The following NRXN1 variants were observed in gnomAD, a reference collection of about 807,000 sequenced individuals.
The protein encoded by NRXN1 is neurexin 1.
In NRXN1, 39 loss-of-function variants were observed where a neutral mutation model predicts 150.9. That is an observed-to-expected ratio of 0.26 (90% CI 0.20 to 0.34). The LOEUF is 0.34. Ranked by LOEUF, NRXN1 falls within the 10% of genes least tolerant of loss-of-function variation. The probability of loss-of-function intolerance (pLI) is 1.00; values close to 1 mark genes in which losing one functional copy is unlikely to be tolerated. For missense variants in NRXN1, 1,815 were observed against 1,949.9 expected, an observed-to-expected ratio of 0.93 and a Z score of 1.30; for synonymous variants, 924 against 757.0, an observed-to-expected ratio of 1.22 and a Z score of -3.62.
intron 18 of NRXN1, among the ~76,000 whole-genome samples, chr2:50,142,516 A>G (rs1192111056): frequency 2.0e-5 from 3 of 151,964 alleles, no homozygotes; most frequent in African/African-American, 7.2e-5. Context: ...TGAATATCAT[A>G]AATCCCCCTG....
intron 18 of NRXN1, among the ~76,000 whole-genome samples, chr2:50,226,364 G>C (rs2152864662): frequency 6.6e-6 from 1 of 152,062 alleles, no homozygotes; most frequent in Middle Eastern, 3.4e-3. Context: ...TGTGGCTAAT[G>C]TGCCAGTAGA....
rs189092685 is a variant in NRXN1 at position 50,165,584 on chromosome 2, G to A, written c.3546+71205C>T. Reference sequence around the variant, plus strand: ...GGCTGGTCTCCAACTCCTGACCTCAGGTGATACACCCACCTCAGCCTCCCG... The same window carrying A: ...GGCTGGTCTCCAACTCCTGACCTCAAGTGATACACCCACCTCAGCCTCCCG... On this transcript the variant is annotated intron_variant, in intron 18 of 22. Coordinates refer to ENST00000401669, the MANE Select transcript of NRXN1 (RefSeq NM_001330078.2). 9.2e-5 allele frequency among the ~76,000 whole-genome samples: 14 copies of A among 152,160 alleles called. No homozygotes were observed. The East Asian group carries it at 2.3e-3, about 25-fold the overall frequency.
At chr2:50,467,658 A>C (rs1026678421) in intron 16 of NRXN1, among the ~76,000 whole-genome samples, 45 of 151,558 alleles carry the variant, frequency 3.0e-4, no homozygotes, top group African/African-American at 1.0e-3. Context: ...ATTCTGTAAT[A>C]ATAATAATAA....
intron 18 of NRXN1, among the ~76,000 whole-genome samples, chr2:50,212,717 T>A (rs988788346): frequency 2.0e-5 from 3 of 151,822 alleles, no homozygotes; most frequent in African/African-American, 7.2e-5. Context: ...CAGGTCAGCT[T>A]GAAAGAAAAA....
chr2:50,861,636 G>A (rs1395162703), intron 5 of NRXN1, among the ~76,000 whole-genome samples: 3 of 151,938 alleles, frequency 2.0e-5, no homozygotes, highest in Admixed American at 1.3e-4. Context: ...AAACTCTTTT[G>A]GATCTATAAT....
intron 18 of NRXN1, among the ~76,000 whole-genome samples, chr2:50,195,855 CT>C (rs2061724777): frequency 6.6e-6 from 1 of 151,918 alleles, no homozygotes; most frequent in African/African-American, 2.4e-5. Context: ...GTTTCTTATT[CT>C]GATTGTAGAG....
rs188383113 is a variant in NRXN1 at position 50,463,356 on chromosome 2, T to C, written c.3364+2086A>G. Among the ~76,000 whole-genome samples the C allele has an allele frequency of 3.1e-3, 470 of 151,998 alleles. 1 individual carries two copies. The highest frequency in any genetic ancestry group is 0.011 in the African/African-American group (452 of 41,542). On this transcript the variant is annotated intron_variant, in intron 17 of 22. Transcript: ENST00000401669. ...GCTTTTGAATATTGATTTGTACCTATGTATTCTCACCACTGAAACTCCAAC... is the reference window on the plus strand; with the variant it reads ...GCTTTTGAATATTGATTTGTACCTACGTATTCTCACCACTGAAACTCCAAC...
At chr2:50,664,396 C>CGT (rs35702112) in intron 5 of NRXN1, among the ~76,000 whole-genome samples, 26,800 of 107,884 alleles carry the variant, frequency 0.25, 3,267 homozygotes, top group East Asian at 0.38. Flanking sequence ...AAGTTTAAAG[C>CGT]GTGTGTGTGT....
chr2:50,334,192 A>ATTTTATATATATAT lies in NRXN1; in HGVS notation c.3365-97223_3365-97222insATATATATATAAAA, dbSNP rs1553457970. ...CTGCCTTTCCTTAAGACCAGGACCA[A>ATTTTATATATATAT]ATATATATATATATATATATGTATG... On this transcript the variant is annotated intron_variant, in intron 17 of 22. Transcript: ENST00000401669. 5.5e-4 allele frequency among the ~76,000 whole-genome samples: 65 copies of ATTTTATATATATAT among 118,958 alleles called. 5 individuals carry two copies. The highest frequency in any genetic ancestry group is 1.5e-3 in the African/African-American group (34 of 23,174). 78.0% of individuals were successfully genotyped at this position (118,958 alleles called of 152,430 possible).
chr2:50,688,847 G>T (rs1029014833), intron 5 of NRXN1, among the ~76,000 whole-genome samples: 1 of 152,102 alleles, frequency 6.6e-6, no homozygotes, highest in Non-Finnish European at 1.5e-5. Flanking sequence ...AAGTGCCATG[G>T]GCTTGCGGCT....
At chr2:50,562,569 G>A (rs1354180564) in intron 8 of NRXN1, among the ~76,000 whole-genome samples, 2 of 152,160 alleles carry the variant, frequency 1.3e-5, no homozygotes, top group Middle Eastern at 3.4e-3. Flanking sequence ...ATATTTATGT[G>A]TGTGTGTATG....
chr2:49,982,193 C>G (rs547190469), intron 21 of NRXN1, among the ~76,000 whole-genome samples: 1 of 151,988 alleles, frequency 6.6e-6, no homozygotes, highest in Non-Finnish European at 1.5e-5. Flanking sequence ...ATTGATAAAT[C>G]TAGAAAAAGA....
chr2:49,952,638 A>T (rs896709142), intron 21 of NRXN1, among the ~76,000 whole-genome samples: 1 of 152,102 alleles, frequency 6.6e-6, no homozygotes, highest in Non-Finnish European at 1.5e-5. Flanking sequence ...AATGCAAATT[A>T]TTGAATCTCT....
At chr2:50,769,024 G>C (rs1208182760) in intron 5 of NRXN1, among the ~76,000 whole-genome samples, 2 of 152,018 alleles carry the variant, frequency 1.3e-5, no homozygotes, top group South Asian at 2.1e-4. Flanking sequence ...GGGAAATAAA[G>C]AAAGTAGCAA....
intron 15 of NRXN1, among the ~76,000 whole-genome samples, chr2:50,491,751 C>G (rs1484541634): frequency 6.6e-6 from 1 of 152,116 alleles, no homozygotes; most frequent in African/African-American, 2.4e-5. Context: ...GCACTCTATG[C>G]TACACAGCTA....
chr2:50,730,272 A>C (rs1697926960), intron 5 of NRXN1, among the ~76,000 whole-genome samples: 1 of 152,092 alleles, frequency 6.6e-6, no homozygotes, highest in Non-Finnish European at 1.5e-5. Context: ...TATTTTTTTA[A>C]ATTTCCTATT....
intron 21 of NRXN1, among the ~76,000 whole-genome samples, chr2:49,946,539 C>T (rs551252058): frequency 6.6e-6 from 1 of 151,992 alleles, no homozygotes; most frequent in East Asian, 1.9e-4. Flanking sequence ...GTCTTTAATC[C>T]ATCTTGAGTT....
chr2:50,192,616 G>A (rs893147818), intron 18 of NRXN1, among the ~76,000 whole-genome samples: 1 of 151,524 alleles, frequency 6.6e-6, no homozygotes, highest in East Asian at 1.9e-4. Flanking sequence ...TTTTTGGGGG[G>A]GGCGGTGGGG....
At chr2:50,208,469 C>T (rs1274761712) in intron 18 of NRXN1, among the ~76,000 whole-genome samples, 2 of 152,102 alleles carry the variant, frequency 1.3e-5, no homozygotes, top group Non-Finnish European at 2.9e-5. Context: ...ATCTTTCTCA[C>T]AGGGTATCCC....
Sources: allele counts gnomAD v4.1 joint callset (sites outside exome capture counted in the v4.1 genomes callset), GRCh38; gene constraint gnomAD v4.1.1; transcripts MANE v1.5; gene names NCBI Gene and HGNC (gene_info 2026-07-23, HGNC 2026-07-21).